Variants in CIB4 observed in about 807,000 individuals in gnomAD.
CIB4 encodes the protein calcium and integrin binding family member 4, also known as calcium and integrin-binding family member 4.
CIB4 carries 25 observed loss-of-function variants against 25.8 expected under a neutral mutation model. That is an observed-to-expected ratio of 0.97 (90% CI 0.71 to 1.35). The LOEUF is 1.35. CIB4 is among the 40% of genes most tolerant of loss of function. The pLI is 0.00. For synonymous variants in CIB4, 75 were observed against 81.4 expected (o/e 0.92, Z 0.42); for missense variants, 235 against 228.2 (o/e 1.03, Z -0.19).
chr2:26,606,264 C>T (rs1197863969), intron 3 of CIB4, among the ~76,000 whole-genome samples: 1 of 152,314 alleles, frequency 6.6e-6, no homozygotes, highest in East Asian at 1.9e-4. Context: ...AACCAGACAG[C>T]GTGGGGAAGT....
intron 3 of CIB4, among the ~76,000 whole-genome samples, chr2:26,606,994 T>A (rs1668901808): frequency 6.6e-6 from 1 of 152,142 alleles, no homozygotes; most frequent in South Asian, 2.1e-4. Context: ...TGAACCTGAC[T>A]CAGACCCACC....
At chr2:26,636,958 G>GT (rs1195583830) in intron 2 of CIB4, among the ~76,000 whole-genome samples, 4 of 152,208 alleles carry the variant, frequency 2.6e-5, no homozygotes, top group African/African-American at 9.6e-5. Flanking sequence ...TGTGTAGGCC[G>GT]TTTTTTATTC....
In CIB4 at chr2:26,638,435, C is replaced by G. The variant is rs988146711; in HGVS notation, c.89+2098G>C. On this transcript the variant is annotated intron_variant, in intron 2 of 6. Coordinates refer to ENST00000288861, the MANE Select transcript of CIB4 (RefSeq NM_001029881.3). The stretch of plus-strand genomic sequence containing the variant: ...GGCAGAACAAATGAAAATGGAGGAT[C>G]GATGTTCGAGAGAGAGCCTGAACCC... Among the ~76,000 whole-genome samples the G allele has an allele frequency of 2.0e-5, 3 of 152,128 alleles. No homozygotes were observed. In the East Asian group the frequency reaches 5.8e-4, roughly 29 times the overall value.
chr2:26,639,550 T>G (rs1182566300), intron 2 of CIB4, among the ~76,000 whole-genome samples: 2 of 152,172 alleles, frequency 1.3e-5, no homozygotes, highest in Non-Finnish European at 2.9e-5. Context: ...ATATGGGTAG[T>G]AGGATATGGG....
rs1668508042 is a variant in CIB4 at position 26,588,978 on chromosome 2, T to TTTA, written c.329-5081_329-5080insTAA. Among the ~76,000 whole-genome samples the TTTA allele has an allele frequency of 4.7e-4, 33 of 69,946 alleles. 1 individual carries two copies. Among genetic ancestry groups the TTTA allele is most frequent in the East Asian group, 7.7e-4 (2 of 2,600 alleles). The allele number at this position is 69,946 out of a possible 152,430, so 45.9% of individuals were successfully genotyped here. ...CTGCTGCCGCTGCTGCCGCTTCTTCTTTCTTCTTCTTCTTCTTCTTCTTCT... is the reference window on the plus strand; with the variant it reads ...CTGCTGCCGCTGCTGCCGCTTCTTCTTTATTCTTCTTCTTCTTCTTCTTCTTCT... On this transcript the variant is annotated intron_variant, in intron 4 of 6. Transcript: ENST00000288861.
chr2:26,588,984 C>T (rs1310911438), intron 4 of CIB4, among the ~76,000 whole-genome samples: 1 of 7,394 alleles, frequency 1.4e-4, no homozygotes, highest in Non-Finnish European at 3.1e-4. Context: ...CTTCTTTCTT[C>T]TTCTTCTTCT....
intron 3 of CIB4, among the ~76,000 whole-genome samples, chr2:26,602,846 G>A (rs1355448909): frequency 2.0e-5 from 3 of 152,146 alleles, no homozygotes; most frequent in Non-Finnish European, 2.9e-5. Flanking sequence ...GCTCACTTGA[G>A]GACAGGCATT....
chr2:26,617,059 G>A (rs752763685), intron 3 of CIB4, among the ~76,000 whole-genome samples: 47 of 151,806 alleles, frequency 3.1e-4, no homozygotes, highest in Admixed American at 2.2e-3. Context: ...CATTTTACAG[G>A]TGAGGAATCC....
At chr2:26,636,484 C>G (rs374202140) in intron 2 of CIB4, among the ~76,000 whole-genome samples, 1 of 152,150 alleles carries the variant, frequency 6.6e-6, no homozygotes, top group African/African-American at 2.4e-5. Context: ...CCCTGACTCC[C>G]TAATTCTAAT....
chr2:26,610,196 A>G (rs1668972618), intron 3 of CIB4, among the ~76,000 whole-genome samples: 1 of 152,226 alleles, frequency 6.6e-6, no homozygotes, highest in African/African-American at 2.4e-5. Context: ...CACGCTGGGA[A>G]CCATGTTCCC....
chr2:26,587,304 C>CAAA (rs71399396), intron 4 of CIB4, among the ~76,000 whole-genome samples: 6,040 of 61,406 alleles, frequency 0.098, 1,615 homozygotes, highest in Middle Eastern at 0.14. Flanking sequence ...GACTCCGTCT[C>CAAA]AAAAAAAAAA....
intron 2 of CIB4, among the ~76,000 whole-genome samples, chr2:26,635,403 A>G (rs886803755): frequency 1.1e-4 from 16 of 152,350 alleles, no homozygotes; most frequent in Admixed American, 3.3e-4. Flanking sequence ...TATTGGACAG[A>G]GCCAGCCTCC....
chr2:26,598,899 T>C (rs1393113055), intron 3 of CIB4, among the ~76,000 whole-genome samples: 1 of 152,108 alleles, frequency 6.6e-6, no homozygotes, highest in Admixed American at 6.5e-5. Flanking sequence ...TCAGCCGGTG[T>C]CCTCGGATCT....
At chr2:26,615,482 G>A (rs1457126481) in intron 3 of CIB4, among the ~76,000 whole-genome samples, 3 of 152,160 alleles carry the variant, frequency 2.0e-5, no homozygotes, top group Non-Finnish European at 4.4e-5. Flanking sequence ...TCCATGCCCC[G>A]CCCTTTGGTC....
rs879498968 is a variant in CIB4 at position 26,624,854 on chromosome 2, ATT to A, written c.186+4554_186+4555del. Among the ~76,000 whole-genome samples, 1,352 of 150,386 alleles carry A rather than the reference ATT, an allele frequency of 9.0e-3. 15 individuals carry two copies. Among genetic ancestry groups the A allele is most frequent in the African/African-American group, 0.03 (1,244 of 41,022 alleles). ...GGTATTATGGTGTATATATATATAT[ATT>A]TTTTTTATATAGGCATTATAGTCAA... On this transcript the variant is annotated intron_variant, in intron 3 of 6. Transcript: ENST00000288861.
chr2:26,636,842 A>G (rs899750931), intron 2 of CIB4, among the ~76,000 whole-genome samples: 5 of 152,184 alleles, frequency 3.3e-5, no homozygotes, highest in African/African-American at 9.7e-5. Flanking sequence ...GTCCAAAGCT[A>G]TTCTCATTCC....
intron 3 of CIB4, among the ~76,000 whole-genome samples, chr2:26,625,913 A>G (rs1669295068): frequency 6.6e-6 from 1 of 152,196 alleles, no homozygotes; most frequent in Admixed American, 6.5e-5. Context: ...ATTTTTGTAT[A>G]AGGTATAAGG....
In CIB4 at chr2:26,581,392, A is replaced by C; in HGVS notation, c.529T>G (p.Ser177Ala). Residue 177 changes from serine to alanine, a missense_variant and splice_region_variant, in exon 7 of 7, where the codon TCC becomes GCC. Ser to Ala is a moderately conservative substitution (Grantham distance 99). Transcript: ENST00000288861. ...CATCCCCAGAAGTGAATCCGAAAGGAGCTGAAAGAAAGAATCCCGTGAGCC... is the reference window on the plus strand; with the variant it reads ...CATCCCCAGAAGTGAATCCGAAAGGCGCTGAAAGAAAGAATCCCGTGAGCC... ...AMAKSPDFMN[S>A]FRIHFWGC is the part of the protein sequence containing the mutation. 1 of 1,613,604 alleles carries C rather than the reference A, an allele frequency of 6.2e-7. No individual in the cohort carries two copies. The highest frequency in any genetic ancestry group is 8.5e-7 in the Non-Finnish European group (1 of 1,179,746).
At chr2:26,626,542 GT>G (rs2148221565) in intron 3 of CIB4, among the ~76,000 whole-genome samples, 1 of 150,950 alleles carries the variant, frequency 6.6e-6, no homozygotes, top group South Asian at 2.1e-4. Flanking sequence ...TCTTTTTTTT[GT>G]TTTTCTGTGT....
Sources: gnomAD v4.1 joint callset for allele counts (sites outside exome capture counted in the v4.1 genomes callset) on GRCh38, gnomAD v4.1.1 for gene constraint, MANE v1.5 for transcripts, NCBI Gene and HGNC (gene_info 2026-07-23, HGNC 2026-07-21) for gene names.